NEK8: variants seen among roughly 807,000 people sequenced by gnomAD.
The protein encoded by NEK8 is serine/threonine-protein kinase Nek8.
A neutral mutation model predicts 77.2 loss-of-function variants in NEK8; 51 were observed. The observed-to-expected ratio is 0.66, with a 90% CI of 0.53 to 0.83. The LOEUF (loss-of-function observed/expected upper bound fraction) is 0.83, where lower values mean the gene tolerates loss of function less well. NEK8 is among the 40% of genes least tolerant of loss of function. The pLI, the probability that NEK8 is intolerant of heterozygous loss-of-function variation, is 0.00. For synonymous variants in NEK8, 365 were observed against 363.2 expected, an observed-to-expected ratio of 1.00 and a Z score of -0.06; for missense variants, 787 against 909.2, an observed-to-expected ratio of 0.87 and a Z score of 1.73.
At chr17:28,733,071 G>C (rs1253936800) in intron 1 of NEK8, 1 of 149,560 alleles carries the variant, frequency 6.7e-6, no homozygotes. Context: ...TGCGAGAGTG[G>C]GTTTCACCAT....
chr17:28,737,906 G>T lies in NEK8; in HGVS notation c.977G>T (p.Arg326Leu). 5 of 1,613,818 alleles carry T rather than the reference G, an allele frequency of 3.1e-6. No individual in the cohort carries two copies. The highest frequency in any genetic ancestry group is 4.2e-6 in the Non-Finnish European group (5 of 1,179,996). The part of the protein sequence containing the change: ...AWGGGLGTPL[R>L]LPMLNTEVVQ... ...GGTGGTGGGCTGGGCACCCCCCTGC[G>T]GCTGCCAATGCTCAACACAGAGGTG... is the stretch of plus-strand genomic sequence containing the variant. The change falls in exon 7 of 15, where the codon CGG (arginine) becomes CTG (leucine). Residue 326 changes from arginine (R) to leucine (L), a missense_variant. Physicochemically the swap from Arg to Leu is moderately radical, Grantham distance 102. Transcript: ENST00000268766. This position sits in a 1 kb window ranked among gnomAD's most constrained non-coding sequence, Gnocchi z 4.8.
chr17:28,735,384 A>C lies in NEK8; in HGVS notation c.618+13A>C. On this transcript the variant is annotated intron_variant, in intron 4 of 14. Coordinates refer to ENST00000268766, the MANE Select transcript of NEK8 (RefSeq NM_178170.3). ...TTTCGAGGCTGCGGTGAGTGTATGC[A>C]CCCTCCAGGGGACAACTGAGAAATC... The C allele has an allele frequency of 6.2e-7, 1 of 1,611,818 alleles. No individual in the cohort carries two copies.
In NEK8 at chr17:28,740,526, G is replaced by A. The variant is rs143743028; in HGVS notation, c.1481G>A (p.Gly494Glu). 3.1e-6 allele frequency: 5 copies of A among 1,614,124 alleles called. No individual in the cohort carries two copies. The highest frequency in any genetic ancestry group is 3.3e-5 in the Admixed American group (2 of 60,028). Residue 494 changes from glycine to glutamate, a missense_variant, in exon 11 of 15, where the codon GGA (glycine) becomes GAA (glutamate). Gly to Glu is a moderately conservative substitution (Grantham distance 98). Around this residue, in one of 2 missense-constraint regions of NEK8, gnomAD observed 516 missense variants for 544.0 expected, o/e 0.95. Transcript: ENST00000268766. This position sits in a 1 kb window ranked among gnomAD's most constrained non-coding sequence, Gnocchi z 4.7. Reference sequence around the variant, plus strand: ...CCCCAGCAGGTGCCCATGCCCCCAGGACAGGAAGCTCAGCGAGTTGTATGT... The same window carrying A: ...CCCCAGCAGGTGCCCATGCCCCCAGAACAGGAAGCTCAGCGAGTTGTATGT... ...SCPQQVPMPP[G>E]QEAQRVVCGI... is the part of the protein sequence containing the mutation.
chr17:28,737,898 C>A lies in NEK8; in HGVS notation c.969C>A (p.Thr323=), dbSNP rs1335576430. The stretch of plus-strand genomic sequence containing the variant: ...ATGCCTGGGGTGGTGGGCTGGGCAC[C>A]CCCCTGCGGCTGCCAATGCTCAACA... ...SVYAWGGGLG[T]PLRLPMLNTE... is the part of the protein sequence containing the mutation. The change falls in exon 7 of 15, where the codon ACC becomes ACA. Residue 323 remains threonine, a synonymous_variant. Coordinates refer to ENST00000268766, the MANE Select transcript of NEK8 (RefSeq NM_178170.3). The surrounding 1 kb of genome is among the most constrained non-coding windows in gnomAD (Gnocchi z 4.8). 2 of 1,613,684 alleles carry A rather than the reference C, an allele frequency of 1.2e-6. No homozygotes were observed. Among genetic ancestry groups the A allele is most frequent in the Non-Finnish European group, 1.7e-6 (2 of 1,179,970 alleles).
chr17:28,734,232 C>A (rs1295969498), intron 2 of NEK8, 44 bp downstream of exon 2: 1 of 1,539,080 alleles, frequency 6.5e-7, no homozygotes, highest in Admixed American at 1.7e-5. Context: ...GGGCCTCTTA[C>A]CTCTGGGACA....
chr17:28,743,099 A>G lies in NEK8; in HGVS notation c.*1112A>G, dbSNP rs1308874794. 2.1e-5 allele frequency: 3 copies of G among 144,054 alleles called. No homozygotes were observed. Among genetic ancestry groups the G allele is most frequent in the Admixed American group, 7.1e-5 (1 of 14,182 alleles). The allele number at this position is 144,054 out of a possible 1,614,324, so 8.9% of individuals were successfully genotyped here. A position where few individuals can be genotyped will look rare whatever the true frequency, so the allele number is the denominator to read the frequency against. On this transcript the variant is annotated 3_prime_UTR_variant, in exon 15 of 15. Coordinates refer to ENST00000268766, the MANE Select transcript of NEK8 (RefSeq NM_178170.3). ...AAAAAAAAAAAAAAAAAAAAAAAAA[A>G]AAAGTATTTGGTGCTTACCGGGACT...
chr17:28,736,193 G>C (rs2034364175), intron 4 of NEK8, among the ~76,000 whole-genome samples: 1 of 152,134 alleles, frequency 6.6e-6, no homozygotes, highest in African/African-American at 2.4e-5. Context: ...ATTTAGGTTG[G>C]TTCCAAGTCT....
intron 4 of NEK8, among the ~76,000 whole-genome samples, chr17:28,736,442 T>C (rs528315756): frequency 1.3e-5 from 2 of 152,364 alleles, no homozygotes; most frequent in South Asian, 2.1e-4. Flanking sequence ...ACTTGTTGTT[T>C]CCTGACTTTT....
chr17:28,735,170 A>T (rs1356603220), intron 3 of NEK8, 70 bp from the exon 4 acceptor site: 153 of 1,602,326 alleles, frequency 9.5e-5, no homozygotes, highest in Non-Finnish European at 1.3e-4. Context: ...GCTGTCCCCA[A>T]ATGGGCTTAT....
Position 28,741,568 on chromosome 17 carries a change from C to G in NEK8, c.2047C>G (p.Arg683Gly). 3 of 1,614,044 alleles carry G rather than the reference C, an allele frequency of 1.9e-6. No individual in the cohort carries two copies. Among genetic ancestry groups the G allele is most frequent in the Non-Finnish European group, 2.5e-6 (3 of 1,180,006 alleles). ...CCATGGAAACACCCTCCTGGCTGTT[C>G]GATGTGAGTTGTAACTTTTCCCACT... ...CCHGNTLLAV[R>G]SVTDEPVPP Residue 683 changes from arginine to glycine, a missense_variant, in exon 14 of 15, where the codon CGA becomes GGA. Physicochemically the swap from Arg to Gly is moderately radical, Grantham distance 125 (BLOSUM62 -2). Transcript: ENST00000268766. The surrounding 1 kb of genome is among the most constrained non-coding windows in gnomAD (Gnocchi z 4.5).
chr17:28,739,189 C>G lies in NEK8; in HGVS notation c.1405C>G (p.Arg469Gly), dbSNP rs185563461. The G allele has an allele frequency of 6.2e-7, 1 of 1,613,000 alleles. No homozygotes were observed. The highest frequency in any genetic ancestry group is 8.5e-7 in the Non-Finnish European group (1 of 1,178,932). ...TGAGCGAGAACTATTTGCCTGGGGC[C>G]GTGGAGACAGCGGTAAGCTCCAGCC... ...STERELFAWG[R>G]GDSGRLGLGT... Residue 469 changes from arginine to glycine, a missense_variant, in exon 10 of 15, where the codon CGT (arginine) becomes GGT (glycine). Coordinates refer to ENST00000268766, the MANE Select transcript of NEK8 (RefSeq NM_178170.3).
At chr17:28,733,959 T>C in intron 1 of NEK8, 24 bp from the exon 2 acceptor site, 1 of 1,609,118 alleles carries the variant, frequency 6.2e-7, no homozygotes, top group Non-Finnish European at 8.5e-7. Context: ...GCTGGTAACC[T>C]GTCCCTGTCC....
chr17:28,733,595 C>T (rs1291317645), intron 1 of NEK8, among the ~76,000 whole-genome samples: 5 of 152,234 alleles, frequency 3.3e-5, no homozygotes, highest in Non-Finnish European at 7.3e-5. Flanking sequence ...GTGCTGGTCA[C>T]TGCACTCAGT....
chr17:28,738,727 A>G lies in NEK8; in HGVS notation c.1279A>G (p.Ser427Gly), dbSNP rs771514255. Residue 427 changes from serine to glycine, a missense_variant, in exon 9 of 15, where the codon AGC becomes GGC. Around this residue, in one of 2 missense-constraint regions of NEK8, gnomAD observed 516 missense variants for 544.0 expected, o/e 0.95. Transcript: ENST00000268766. Reference sequence around the variant, plus strand: ...CAGCAATGGGTGCCTAGGCCATGGCAGCCTCACTGACATCAGCCAGGTGGG... The same window carrying G: ...CAGCAATGGGTGCCTAGGCCATGGCGGCCTCACTGACATCAGCCAGGTGGG... The part of the protein sequence containing the change: ...SGSNGCLGHG[S>G]LTDISQPTIV... 1 of 1,614,078 alleles carries G rather than the reference A, an allele frequency of 6.2e-7. No individual in the cohort carries two copies. Among genetic ancestry groups the G allele is most frequent in the Non-Finnish European group, 8.5e-7 (1 of 1,179,896 alleles).
chr17:28,739,544 G>C (rs1035512317), intron 10 of NEK8, among the ~76,000 whole-genome samples: 3 of 152,194 alleles, frequency 2.0e-5, no homozygotes, highest in African/African-American at 7.2e-5. Flanking sequence ...CCACCACCGG[G>C]TTCAAGCGAA....
At chr17:28,733,371 C>G (rs1422766761) in intron 1 of NEK8, among the ~76,000 whole-genome samples, 1 of 152,076 alleles carries the variant, frequency 6.6e-6, no homozygotes, top group African/African-American at 2.4e-5. Context: ...AGAAGAGAAG[C>G]CTGATCTGGA....
chr17:28,740,899 G>C lies in NEK8; in HGVS notation c.1646G>C (p.Ser549Thr). The C allele has an allele frequency of 1.2e-6, 2 of 1,614,148 alleles. No individual in the cohort carries two copies. Among genetic ancestry groups the C allele is most frequent in the Non-Finnish European group, 1.7e-6 (2 of 1,180,026 alleles). ...CACCAGCAAGTGGAGGAGGCCCTGA[G>C]CTTCACACTACTAGGCTCTGCACCC... is the stretch of plus-strand genomic sequence containing the variant. ...VPHQQVEEAL[S>T]FTLLGSAPLD... The change falls in exon 12 of 15, where the codon AGC becomes ACC. Residue 549 changes from serine (S) to threonine (T), a missense_variant. Around this residue, in one of 2 missense-constraint regions of NEK8, gnomAD observed 516 missense variants for 544.0 expected, o/e 0.95. Coordinates refer to ENST00000268766, the MANE Select transcript of NEK8 (RefSeq NM_178170.3). This position sits in a 1 kb window ranked among gnomAD's most constrained non-coding sequence, Gnocchi z 4.7.
chr17:28,741,675 GC>G lies in NEK8; in HGVS notation c.2050+109del. On this transcript the variant is annotated intron_variant, in intron 14 of 14. Transcript: ENST00000268766. This position sits in a 1 kb window ranked among gnomAD's most constrained non-coding sequence, Gnocchi z 4.5. ...GGCCACATCACCAAAAGCATCTTTA[GC>G]CCCCAGATAAAAAAAGCAGAAGCTG... 2 of 1,363,280 alleles carry G rather than the reference GC, an allele frequency of 1.5e-6. No homozygotes were observed. Among genetic ancestry groups the G allele is most frequent in the Non-Finnish European group, 2.1e-6 (2 of 957,854 alleles). 84.4% of individuals were successfully genotyped at this position (1,363,280 alleles called of 1,614,324 possible).
At chr17:28,729,334 C>T (rs1027102278) in intron 1 of NEK8, among the ~76,000 whole-genome samples, 14 of 152,142 alleles carry the variant, frequency 9.2e-5, no homozygotes, top group African/African-American at 3.4e-4. Flanking sequence ...AGGAAGAATT[C>T]TCTGAGAAGG....
Sources: allele counts gnomAD v4.1 joint callset (sites outside exome capture counted in the v4.1 genomes callset), GRCh38; gene constraint gnomAD v4.1.1; regional missense constraint gnomAD v4.1.1; non-coding constraint Gnocchi (gnomAD v3.1); transcripts MANE v1.5; gene names NCBI Gene and HGNC (gene_info 2026-07-23, HGNC 2026-07-21).